Variants in EVC2 observed in about 807,000 individuals in gnomAD.
EVC2 encodes EvC ciliary complex subunit 2, also known as limbin.
Under a neutral mutation model 149.3 loss-of-function variants are expected in EVC2, and 148 were observed. That is an observed-to-expected ratio of 0.99 (90% confidence interval 0.87 to 1.14). The LOEUF (loss-of-function observed/expected upper bound fraction) is 1.14, where lower values mean the gene tolerates loss of function less well. Ranked by LOEUF, EVC2 falls within the 50% of genes most tolerant of loss-of-function variation. EVC2 has a pLI of 0.00. For synonymous variants in EVC2, 776 were observed against 649.9 expected, an observed-to-expected ratio of 1.19 and a Z score of -2.95; for missense variants, 1,854 against 1,627.3, an observed-to-expected ratio of 1.14 and a Z score of -2.40.
At position 5,683,269 on chromosome 4, in the gene EVC2, C is replaced by T. The variant is rs373229970; in HGVS notation, c.817-1956G>A. Among the ~76,000 whole-genome samples the T allele has an allele frequency of 8.5e-4, 129 of 152,300 alleles. 1 individual carries two copies. The highest frequency in any genetic ancestry group is 2.9e-3 in the African/African-American group (121 of 41,566). ...ACGGTGCCTTGGAGTCTCAGGGTCT[C>T]CTGAGCTGGAGCCTGAGGCTAAGTT... On this transcript the variant is annotated intron_variant, in intron 6 of 21. Coordinates refer to ENST00000344408, the MANE Select transcript of EVC2 (RefSeq NM_147127.5).
intron 21 of EVC2, among the ~76,000 whole-genome samples, chr4:5,555,594 C>T (rs139652416): frequency 6.6e-6 from 1 of 152,244 alleles, no homozygotes; most frequent in East Asian, 1.9e-4. Flanking sequence ...ATCAATTCAT[C>T]ACCATATATA....
intron 20 of EVC2, among the ~76,000 whole-genome samples, chr4:5,566,981 G>A (rs1054256704): frequency 6.6e-6 from 1 of 152,152 alleles, no homozygotes; most frequent in African/African-American, 2.4e-5. Flanking sequence ...ATTAATAATA[G>A]TAATATGATT....
At chr4:5,561,488 CAAGTGGCAG>C (rs1475053784), downstream of EVC2, among the ~76,000 whole-genome samples, 7 of 152,206 alleles carry the variant, frequency 4.6e-5, no homozygotes, top group African/African-American at 1.7e-4. Flanking sequence ...GTCATGCAGT[CAAGTGGCAG>C]CTGAAAACGG....
At position 5,625,731 on chromosome 4, in the gene EVC2, G is replaced by C; in HGVS notation, c.2046+18C>G. On this transcript the variant is annotated intron_variant, in intron 13 of 21. Transcript: ENST00000344408. This position sits in a 1 kb window ranked among gnomAD's most constrained non-coding sequence, Gnocchi z 4.0. ...AAAGTGCCTATGCAAAGAATAAATA[G>C]CATCATGCCTTATATACCTTTTGTA... The C allele has an allele frequency of 6.2e-7, 1 of 1,614,008 alleles. No individual in the cohort carries two copies. Among genetic ancestry groups the C allele is most frequent in the African/African-American group, 1.3e-5 (1 of 75,042 alleles).
At chr4:5,532,519 A>G in the EVC2 span, among the ~76,000 whole-genome samples, 2 of 152,138 alleles carry the variant, frequency 1.3e-5, no homozygotes. Context: ...TTGCAGTATG[A>G]CTGAGCCTGC....
At chr4:5,566,407 G>A (rs1384744744) in intron 20 of EVC2, among the ~76,000 whole-genome samples, 3 of 152,172 alleles carry the variant, frequency 2.0e-5, no homozygotes, top group Admixed American at 6.5e-5. Flanking sequence ...GGCAGCACCC[G>A]AGAGGATGCC....
chr4:5,559,680 A>C (rs1721904165), downstream of EVC2, among the ~76,000 whole-genome samples: 1 of 152,252 alleles, frequency 6.6e-6, no homozygotes, highest in Non-Finnish European at 1.5e-5. This position sits in a 1 kb window ranked among gnomAD's most constrained non-coding sequence, Gnocchi z 5.0. Context: ...GGGAGACAAC[A>C]GAAAGAGCTC....
intron 7 of EVC2, among the ~76,000 whole-genome samples, chr4:5,669,638 C>T (rs983459411): frequency 6.6e-6 from 1 of 152,254 alleles, no homozygotes; most frequent in African/African-American, 2.4e-5. Context: ...CCCTGCCTCC[C>T]TCCCTCCTGC....
intron 14 of EVC2, among the ~76,000 whole-genome samples, chr4:5,620,839 T>C (rs1209191956): frequency 6.6e-6 from 1 of 152,212 alleles, no homozygotes; most frequent in Admixed American, 6.5e-5. Flanking sequence ...CCAAAGTTAA[T>C]TCACTTGCTA....
chr4:5,581,309 C>G (rs59856648), intron 17 of EVC2, among the ~76,000 whole-genome samples: 31,414 of 152,112 alleles, frequency 0.21, 7,936 homozygotes, highest in African/African-American at 0.6. Context: ...GAAGAAGACA[C>G]AAAGATGAGG....
At chr4:5,599,587 G>T (rs1443034640) in intron 16 of EVC2, among the ~76,000 whole-genome samples, 8 of 152,148 alleles carry the variant, frequency 5.3e-5, no homozygotes, top group Non-Finnish European at 1.2e-4. Flanking sequence ...GGGCAGAGGG[G>T]GGAGGGATAG....
downstream of EVC2, among the ~76,000 whole-genome samples, chr4:5,538,933 C>T (rs1439027661): frequency 6.6e-6 from 1 of 152,070 alleles, no homozygotes; most frequent in Non-Finnish European, 1.5e-5. Flanking sequence ...AAACATTGTC[C>T]TGGAAGTTTT....
intron 15 of EVC2, 116 bp from the exon 16 acceptor site, chr4:5,615,660 C>T: frequency 6.8e-7 from 1 of 1,477,116 alleles, no homozygotes; most frequent in East Asian, 2.3e-5. Context: ...AACTGCAAAA[C>T]TCTGCCTTAG....
intron 2 of EVC2, among the ~76,000 whole-genome samples, chr4:5,695,810 T>A (rs546938944): frequency 6.6e-6 from 1 of 152,284 alleles, no homozygotes; most frequent in South Asian, 2.1e-4. Context: ...ACCCAGCATA[T>A]TGATGGTAAA....
chr4:5,594,887 C>A (rs1469746738), intron 16 of EVC2, among the ~76,000 whole-genome samples: 2 of 152,150 alleles, frequency 1.3e-5, no homozygotes, highest in Non-Finnish European at 2.9e-5. Flanking sequence ...GCTGATGGAG[C>A]TGAAAACCAA....
chr4:5,681,183 C>T lies in EVC2; in HGVS notation c.870+77G>A, dbSNP rs1720314858. 4.5e-6 allele frequency: 7 copies of T among 1,558,364 alleles called. No homozygotes were observed. In the East Asian group the frequency reaches 1.6e-4, roughly 35 times the overall value. ...CCAAGGCCAGCAGCTGGCCGCTCCCCATGGCTCCAAGGACAGGCAGGACCC... is the reference window on the plus strand; with the variant it reads ...CCAAGGCCAGCAGCTGGCCGCTCCCTATGGCTCCAAGGACAGGCAGGACCC... On this transcript the variant is annotated intron_variant, in intron 7 of 21. Coordinates refer to ENST00000344408, the MANE Select transcript of EVC2 (RefSeq NM_147127.5).
At chr4:5,543,308 A>G (rs997817758) in intron 21 of EVC2, 1 of 628,366 alleles carries the variant, frequency 1.6e-6, no homozygotes. Context: ...GGAGCACTCC[A>G]TAAACACACT....
At chr4:5,689,797 C>T (rs1720986300) in intron 4 of EVC2, among the ~76,000 whole-genome samples, 1 of 152,202 alleles carries the variant, frequency 6.6e-6, no homozygotes, top group South Asian at 2.1e-4. Flanking sequence ...GGATCATCTC[C>T]CACATTCAGG....
intron 16 of EVC2, among the ~76,000 whole-genome samples, chr4:5,602,178 C>A (rs1256584016): frequency 6.7e-6 from 1 of 150,332 alleles, no homozygotes; most frequent in Non-Finnish European, 1.5e-5. Flanking sequence ...TCCCAGCTAC[C>A]TTGGAGGCTG....
Sources: gnomAD v4.1 joint callset for allele counts (sites outside exome capture counted in the v4.1 genomes callset) on GRCh38, gnomAD v4.1.1 for gene constraint, Gnocchi (gnomAD v3.1) non-coding constraint, MANE v1.5 for transcripts, NCBI Gene and HGNC (gene_info 2026-07-23, HGNC 2026-07-21) for gene names.